Variants in MRTFA observed in about 807,000 individuals in gnomAD.
MRTFA encodes myocardin-related transcription factor A.
Under a neutral mutation model 83.5 loss-of-function variants are expected in MRTFA, and 20 were observed. That is an observed-to-expected ratio of 0.24 (90% confidence interval 0.17 to 0.35). The LOEUF (loss-of-function observed/expected upper bound fraction) is 0.35. Ranked by LOEUF, MRTFA falls within the 10% of genes least tolerant of loss-of-function variation. The pLI is 1.00. For synonymous variants in MRTFA, 659 were observed against 541.2 expected, an observed-to-expected ratio of 1.22 and a Z score of -3.02; for missense variants, 1,200 against 1,224.7, an observed-to-expected ratio of 0.98 and a Z score of 0.30.
chr22:40,588,018 C>A, intron 2 of MRTFA: 1 of 193,814 alleles, frequency 5.2e-6, no homozygotes, highest in Non-Finnish European at 1.1e-5. Flanking sequence ...GAGAAGGCCA[C>A]ACTCCAACAT....
rs2056041314 is a variant in MRTFA, at chr22:40,587,052, A to G, written c.-22+7622T>C. On this transcript the variant is annotated intron_variant, in intron 2 of 14. Coordinates refer to ENST00000355630, the MANE Select transcript of MRTFA (RefSeq NM_020831.6). The stretch of plus-strand genomic sequence containing the variant: ...TGGGTTTAGCTTCAACATGATTTTC[A>G]GGTTTTCCAGGAGGTTTGTCCCCAG... 3.8e-5 allele frequency: 18 copies of G among 469,554 alleles called. 1 individual carries two copies. Among genetic ancestry groups the G allele is most frequent in the South Asian group, 2.6e-4 (17 of 64,826 alleles). 29.1% of individuals were successfully genotyped at this position (469,554 alleles called of 1,614,324 possible).
At chr22:40,438,158 T>C (rs2053207070) in intron 4 of MRTFA, among the ~76,000 whole-genome samples, 1 of 152,174 alleles carries the variant, frequency 6.6e-6, no homozygotes, top group African/African-American at 2.4e-5. Flanking sequence ...CTGGGTGACA[T>C]GGGTTTTGAC....
Position 40,420,523 on chromosome 22 carries a change from G to C in MRTFA, c.1235C>G (p.Ser412Cys). 1 of 1,613,788 alleles carries C rather than the reference G, an allele frequency of 6.2e-7. No individual in the cohort carries two copies. Among genetic ancestry groups the C allele is most frequent in the Non-Finnish European group, 8.5e-7 (1 of 1,180,024 alleles). The change falls in exon 11 of 15, where the codon TCC becomes TGC. Residue 412 changes from serine (S) to cysteine (C), a missense_variant. Around this residue, in one of 2 missense-constraint regions of MRTFA, gnomAD observed 1,107 missense variants for 1,041.8 expected, o/e 1.06. Coordinates refer to ENST00000355630, the MANE Select transcript of MRTFA (RefSeq NM_020831.6). ...CGAGCTGGAGCTGCTATTGGTAGTGGAGAGGCTGCGTACTGGGGGGGTCCC... is the reference window on the plus strand; with the variant it reads ...CGAGCTGGAGCTGCTATTGGTAGTGCAGAGGCTGCGTACTGGGGGGGTCCC...
At chr22:40,487,851 C>A (rs2054198820) in intron 3 of MRTFA, among the ~76,000 whole-genome samples, 1 of 152,048 alleles carries the variant, frequency 6.6e-6, no homozygotes, top group Non-Finnish European at 1.5e-5. Context: ...TATGATACTG[C>A]CCTCTAGTGC....
intron 3 of MRTFA, 84 bp from the exon 4 acceptor site, chr22:40,463,370 G>T: frequency 8.4e-7 from 1 of 1,192,416 alleles, no homozygotes; most frequent in Non-Finnish European, 1.2e-6. Context: ...CGCAAAAAAA[G>T]TCTAAAAACA....
intron 2 of MRTFA, among the ~76,000 whole-genome samples, chr22:40,574,801 ATAC>A (rs2055845769): frequency 6.6e-6 from 1 of 152,102 alleles, no homozygotes. Context: ...TTATATGCAA[ATAC>A]TACACCTTTT....
Position 40,411,824 on chromosome 22 carries a change from C to T in MRTFA, c.2662G>A (p.Ala888Thr). The T allele has an allele frequency of 1.3e-6, 2 of 1,513,098 alleles. No individual in the cohort carries two copies. The highest frequency in any genetic ancestry group is 1.8e-6 in the Non-Finnish European group (2 of 1,127,576). 93.7% of individuals were successfully genotyped at this position (1,513,098 alleles called of 1,614,324 possible). ...TCAGCAGAAGGTGATGGCTGTGCTG[C>T]CAGGGGGGACCCACAGACTGTCTTC... Residue 888 changes from alanine to threonine, a missense_variant, in exon 15 of 15, where the codon GCA (alanine) becomes ACA (threonine). By Grantham distance (58) the Ala-to-Thr change is moderately conservative (BLOSUM62 0). Transcript: ENST00000355630.
chr22:40,429,780 G>A lies in MRTFA; in HGVS notation c.440-13C>T, dbSNP rs749813237. ...TCAGCCGAGGTCTCTGCCCATGGGAGAGAAAGGGGTGCAGGAAGATATATG... is the reference window on the plus strand; with the variant it reads ...TCAGCCGAGGTCTCTGCCCATGGGAAAGAAAGGGGTGCAGGAAGATATATG... On this transcript the variant is annotated splice_polypyrimidine_tract_variant and intron_variant, in intron 6 of 14. Coordinates refer to ENST00000355630, the MANE Select transcript of MRTFA (RefSeq NM_020831.6). 8 of 1,601,598 alleles carry A rather than the reference G, an allele frequency of 5.0e-6. No homozygotes were observed. The South Asian group carries it at 5.6e-5, about 11-fold the overall frequency.
chr22:40,620,700 T>C (rs1347892514), intron 1 of MRTFA, among the ~76,000 whole-genome samples: 1 of 152,082 alleles, frequency 6.6e-6, no homozygotes, highest in African/African-American at 2.4e-5. Flanking sequence ...CATGAATTCC[T>C]TCAGCCAACC....
At position 40,436,699 on chromosome 22, in the gene MRTFA, C is replaced by T. The variant is rs375839135; in HGVS notation, c.308-1145G>A. Among the ~76,000 whole-genome samples, 21 of 150,586 alleles carry T rather than the reference C, an allele frequency of 1.4e-4. No homozygotes were observed. In the South Asian group the frequency reaches 1.7e-3, roughly 12 times the overall value. On this transcript the variant is annotated intron_variant, in intron 4 of 14. Coordinates refer to ENST00000355630, the MANE Select transcript of MRTFA (RefSeq NM_020831.6). ...ACACTCTGAGGATGAGAGGGAAAGG[C>T]CTGACTCACTTCAAGTAGGGAACAG...
At chr22:40,592,110 A>G (rs1328056835) in intron 2 of MRTFA, among the ~76,000 whole-genome samples, 1 of 152,074 alleles carries the variant, frequency 6.6e-6, no homozygotes, top group Non-Finnish European at 1.5e-5. Context: ...TTAAAAACAG[A>G]AAATCAAATT....
chr22:40,578,998 C>T (rs2055909057), intron 2 of MRTFA, among the ~76,000 whole-genome samples: 1 of 152,080 alleles, frequency 6.6e-6, no homozygotes, highest in South Asian at 2.1e-4. Context: ...ATCTCAGCTA[C>T]TTGGGAGGCT....
intron 2 of MRTFA, among the ~76,000 whole-genome samples, chr22:40,560,853 C>T (rs917144291): frequency 1.3e-5 from 2 of 152,066 alleles, no homozygotes; most frequent in African/African-American, 2.4e-5. Context: ...GAACAACATA[C>T]GTACCTAGAA....
chr22:40,583,792 T>C (rs1258572058), intron 2 of MRTFA, among the ~76,000 whole-genome samples: 2 of 152,150 alleles, frequency 1.3e-5, no homozygotes, highest in East Asian at 3.8e-4. Flanking sequence ...CCCAAAACCT[T>C]GCCCCCCTGC....
Position 40,552,232 on chromosome 22 carries a change from C to T in MRTFA, c.115G>A (p.Ala39Thr). The T allele has an allele frequency of 2.5e-6, 1 of 399,072 alleles. No homozygotes were observed. The highest frequency in any genetic ancestry group is 1.3e-4 in the South Asian group (1 of 7,856). The allele number at this position is 399,072 out of a possible 1,614,324, so 24.7% of individuals were successfully genotyped here. A position where few individuals can be genotyped will look rare whatever the true frequency, so the allele number is the denominator to read the frequency against. ...ACAGCTTCACTCTGGGGACTGGGTG[C>T]CGCAGATAAGGACACGAGCACTGGT... The change falls in exon 3 of 15, where the codon GCA (alanine) becomes ACA (threonine). Residue 39 changes from alanine to threonine, a missense_variant. Around this residue, in one of 2 missense-constraint regions of MRTFA, gnomAD observed 93 missense variants for 182.9 expected, o/e 0.51. Transcript: ENST00000355630.
intron 1 of MRTFA, among the ~76,000 whole-genome samples, chr22:40,599,655 G>A (rs2056234426): frequency 6.6e-6 from 1 of 152,098 alleles, no homozygotes; most frequent in Non-Finnish European, 1.5e-5. Context: ...CCAACACTCT[G>A]GGAGAGGCAG....
chr22:40,512,092 A>C (rs1313202744), intron 3 of MRTFA, among the ~76,000 whole-genome samples: 1 of 152,224 alleles, frequency 6.6e-6, no homozygotes, highest in Non-Finnish European at 1.5e-5. Context: ...AAATTAGTTC[A>C]TATGTGTCAT....
At chr22:40,550,017 CCAGCCTGGGCAA>C (rs1488476818) in intron 3 of MRTFA, among the ~76,000 whole-genome samples, 11 of 148,940 alleles carry the variant, frequency 7.4e-5, no homozygotes, top group Non-Finnish European at 1.3e-4. Flanking sequence ...TCACTGCACT[CCAGCCTGGGCAA>C]CAGAGTGAGA....
intron 2 of MRTFA, among the ~76,000 whole-genome samples, chr22:40,558,510 T>C (rs1321649942): frequency 1.3e-5 from 2 of 151,996 alleles, no homozygotes; most frequent in African/African-American, 4.8e-5. Flanking sequence ...TTGCTGGAAT[T>C]CAGAGATTTA....
Sources: gnomAD v4.1 joint callset for allele counts (sites outside exome capture counted in the v4.1 genomes callset) on GRCh38, gnomAD v4.1.1 for gene constraint, gnomAD v4.1.1 regional missense constraint, MANE v1.5 for transcripts, NCBI Gene and HGNC (gene_info 2026-07-23, HGNC 2026-07-21) for gene names.